YARS1: variants seen among roughly 807,000 people sequenced by gnomAD.
YARS1 encodes the protein tyrosine--tRNA ligase, cytoplasmic.
Under a neutral mutation model 62.2 loss-of-function variants are expected in YARS1, and 36 were observed. The observed-to-expected ratio is 0.58, with a 90% CI of 0.44 to 0.76. The LOEUF is 0.76. Among genes scored for constraint, YARS1 ranks in the 30% least tolerant of loss-of-function variants. The probability of loss-of-function intolerance (pLI) is 0.00; values close to 1 mark genes in which losing one functional copy is unlikely to be tolerated. For missense variants in YARS1, 524 were observed against 639.8 expected, an observed-to-expected ratio of 0.82 and a Z score of 1.95; for synonymous variants, 234 against 244.9, an observed-to-expected ratio of 0.96 and a Z score of 0.42.
chr1:32,783,267 G>C (rs1021311886), intron 8 of YARS1: 4 of 152,512 alleles, frequency 2.6e-5, no homozygotes, highest in African/African-American at 9.6e-5. Flanking sequence ...AACGCTGCTC[G>C]TACATGGTAA....
At chr1:32,782,284 C>T in intron 9 of YARS1, 120 bp downstream of exon 9, 1 of 1,540,188 alleles carries the variant, frequency 6.5e-7, no homozygotes, top group Non-Finnish European at 8.9e-7. Flanking sequence ...TAGGACATGA[C>T]ATTCCTGCAC....
At chr1:32,779,242 T>C in intron 12 of YARS1, 140 bp downstream of exon 12, 4 of 1,396,360 alleles carry the variant, frequency 2.9e-6, no homozygotes, top group South Asian at 1.2e-5. Context: ...TTCAAAAAGG[T>C]CTGGAAAGAA....
At chr1:32,804,493 G>A (rs1457692800) in intron 4 of YARS1, among the ~76,000 whole-genome samples, 3 of 149,886 alleles carry the variant, frequency 2.0e-5, no homozygotes, top group Non-Finnish European at 3.0e-5. Flanking sequence ...GCTGCCAGGC[G>A]GAGGGGCTCC....
At chr1:32,797,412 G>A (rs1569746736) in intron 5 of YARS1, among the ~76,000 whole-genome samples, 2 of 152,028 alleles carry the variant, frequency 1.3e-5, no homozygotes, top group Non-Finnish European at 2.9e-5. Context: ...TGGGAAATGC[G>A]AACCAAATGC....
intron 5 of YARS1, among the ~76,000 whole-genome samples, chr1:32,792,030 T>C (rs1297487821): frequency 6.6e-6 from 1 of 152,084 alleles, no homozygotes; most frequent in Admixed American, 6.6e-5. Flanking sequence ...GGGATTGGGA[T>C]GGGTTCCTCA....
At chr1:32,803,604 C>T (rs1638363973) in intron 4 of YARS1, among the ~76,000 whole-genome samples, 1 of 152,054 alleles carries the variant, frequency 6.6e-6, no homozygotes. Context: ...ATGGCATCTT[C>T]TTCCGAAAAA....
intron 4 of YARS1, among the ~76,000 whole-genome samples, chr1:32,804,149 G>GACACA (rs1638382485): frequency 6.6e-6 from 1 of 152,236 alleles, no homozygotes. Context: ...TTTCCACACA[G>GACACA]ACACAGTAAC....
intron 9 of YARS1, chr1:32,782,185 T>G: frequency 1.5e-6 from 1 of 664,862 alleles, no homozygotes; most frequent in Middle Eastern, 4.2e-4. Context: ...CCAGCAGCTC[T>G]CAGCAATGCC....
At chr1:32,804,874 A>C (rs971851419) in intron 4 of YARS1, among the ~76,000 whole-genome samples, 1 of 152,098 alleles carries the variant, frequency 6.6e-6, no homozygotes, top group Non-Finnish European at 1.5e-5. Flanking sequence ...TGGGAGGCCA[A>C]GGCAGGCGGC....
chr1:32,784,337 C>G (rs2148602527), intron 8 of YARS1, among the ~76,000 whole-genome samples: 1 of 152,084 alleles, frequency 6.6e-6, no homozygotes, highest in South Asian at 2.1e-4. Flanking sequence ...TCTAGCAGCT[C>G]CATTAAATTG....
intron 1 of YARS1, among the ~76,000 whole-genome samples, chr1:32,814,282 T>C (rs1186597226): frequency 8.8e-6 from 1 of 114,060 alleles, no homozygotes; most frequent in Non-Finnish European, 2.2e-5. Flanking sequence ...CCTATTTCTC[T>C]CTGCCTCTAC....
intron 6 of YARS1, among the ~76,000 whole-genome samples, chr1:32,790,040 C>T (rs1407564324): frequency 4.0e-5 from 6 of 150,494 alleles, no homozygotes; most frequent in Admixed American, 2.0e-4. Context: ...CCTGCCACCA[C>T]GACTGGCTAA....
intron 6 of YARS1, among the ~76,000 whole-genome samples, chr1:32,789,656 T>C (rs572271811): frequency 8.5e-4 from 129 of 152,074 alleles, no homozygotes; most frequent in African/African-American, 3.0e-3. Flanking sequence ...TGATGCAATC[T>C]TGACTCAGTG....
intron 11 of YARS1, 170 bp downstream of exon 11, chr1:32,779,915 T>C: frequency 1.3e-6 from 1 of 756,808 alleles, no homozygotes; most frequent in Non-Finnish European, 2.2e-6. Context: ...AATGCTTCAT[T>C]AACAGTACTT....
chr1:32,780,906 G>T, intron 10 of YARS1, 142 bp downstream of exon 10: 1 of 770,800 alleles, frequency 1.3e-6, no homozygotes. Flanking sequence ...AAAGCCTGAT[G>T]CCTGGAATTA....
At position 32,806,582 on chromosome 1, in the gene YARS1, G is replaced by A. The variant is rs770608909; in HGVS notation, c.410C>T (p.Ser137Phe). The A allele has an allele frequency of 2.5e-6, 4 of 1,614,222 alleles. No homozygotes were observed. In the South Asian group the frequency reaches 3.3e-5, roughly 13 times the overall value. Residue 137 changes from serine (S) to phenylalanine (F), a missense_variant, in exon 4 of 13, where the codon TCC (serine) becomes TTC (phenylalanine). Coordinates refer to ENST00000373477, the MANE Select transcript of YARS1 (RefSeq NM_003680.4). ...GGAATCGTGCTGTGTGACCACGGAG[G>A]AGAGTCTGTACACATCTAGTGTGTA... is the stretch of plus-strand genomic sequence containing the variant. ...KEYTLDVYRL[S>F]SVVTQHDSKK...
At chr1:32,793,392 T>C (rs1653476517) in intron 5 of YARS1, among the ~76,000 whole-genome samples, 1 of 152,092 alleles carries the variant, frequency 6.6e-6, no homozygotes, top group Admixed American at 6.6e-5. Context: ...CCTGTAATCC[T>C]AGCAATTTGG....
intron 4 of YARS1, among the ~76,000 whole-genome samples, chr1:32,802,723 G>A (rs1638330127): frequency 6.6e-6 from 1 of 152,054 alleles, no homozygotes. Flanking sequence ...CTCAAAAGTG[G>A]GCTTAAAATG....
rs1246842673 is a variant in YARS1 at position 32,776,030 on chromosome 1, T to A, written c.1538A>T (p.Lys513Met). 1 of 1,614,146 alleles carries A rather than the reference T, an allele frequency of 6.2e-7. No homozygotes were observed. Among genetic ancestry groups the A allele is most frequent in the South Asian group, 1.1e-5 (1 of 91,082 alleles). Residue 513 changes from lysine (K) to methionine (M), a missense_variant, in exon 13 of 13, where the codon AAG (lysine) becomes ATG (methionine). Lys to Met is a moderately conservative substitution (Grantham distance 95, BLOSUM62 -1). Coordinates refer to ENST00000373477, the MANE Select transcript of YARS1 (RefSeq NM_003680.4). This position sits in a 1 kb window ranked among gnomAD's most constrained non-coding sequence, Gnocchi z 4.0. ...CGATTTACAGGAAATGGAGCCCAGC[T>A]TGGTCATGAAGTTGGTTTGCTTCCA... ...AQWKQTNFMT[K>M]LGSISCKSLK...
Sources: allele counts gnomAD v4.1 joint callset (sites outside exome capture counted in the v4.1 genomes callset), GRCh38; gene constraint gnomAD v4.1.1; non-coding constraint Gnocchi (gnomAD v3.1); transcripts MANE v1.5; gene names NCBI Gene and HGNC (gene_info 2026-07-23, HGNC 2026-07-21).